Variants in ANKRD11 observed in about 807,000 individuals in gnomAD.
ANKRD11 encodes the protein ankyrin repeat domain-containing protein 11.
A neutral mutation model predicts 195.7 loss-of-function variants in ANKRD11; 17 were observed. That is an observed-to-expected ratio of 0.09 (90% CI 0.06 to 0.13). The LOEUF (loss-of-function observed/expected upper bound fraction) is 0.13, where lower values mean the gene tolerates loss of function less well. ANKRD11 is among the 10% of genes least tolerant of loss of function. The pLI is 1.00. For missense variants in ANKRD11, 3,735 were observed against 3,566.1 expected, an observed-to-expected ratio of 1.05 and a Z score of -1.21; for synonymous variants, 1,953 against 1,528.1, an observed-to-expected ratio of 1.28 and a Z score of -6.49.
intron 1 of ANKRD11, among the ~76,000 whole-genome samples, chr16:89,479,129 C>A (rs376673154): frequency 6.6e-6 from 1 of 152,104 alleles, no homozygotes; most frequent in Admixed American, 6.6e-5. Flanking sequence ...CAGCAAGTCA[C>A]GCCACCACCT....
At chr16:89,326,386 C>A (rs7187307) in intron 2 of ANKRD11, among the ~76,000 whole-genome samples, 4,901 of 151,998 alleles carry the variant, frequency 0.032, 281 homozygotes, top group African/African-American at 0.11. Context: ...CCGCCCCCCC[C>A]ACCCCGCTGC....
intron 1 of ANKRD11, among the ~76,000 whole-genome samples, chr16:89,453,700 G>C (rs1248965946): frequency 6.6e-6 from 1 of 152,232 alleles, no homozygotes; most frequent in Non-Finnish European, 1.5e-5. Context: ...TCAGGACAAT[G>C]TGATGTGCTG....
chr16:89,334,143 TTAAA>T (rs1408562940), intron 2 of ANKRD11, among the ~76,000 whole-genome samples: 8 of 80,406 alleles, frequency 9.9e-5, no homozygotes, highest in African/African-American at 6.0e-4. Flanking sequence ...ACCCTGTGTT[TTAAA>T]AAAAAAAAAA....
rs777949492 is a variant in ANKRD11, at chr16:89,282,612, G to C, written c.3930C>G (p.Asp1310Glu). The change falls in exon 9 of 13, where the codon GAC becomes GAG. Residue 1310 changes from aspartate to glutamate, a missense_variant. Transcript: ENST00000301030. ...CAGTCAGCCCCGGCTCCTGCCCTCG[G>C]TCCGTGAAGCTGTCAGAGGAGACCT... The part of the protein sequence containing the change: ...ISEVSSDSFT[D>E]RGQEPGLTAF... 5.6e-6 allele frequency: 9 copies of C among 1,614,058 alleles called. No individual in the cohort carries two copies. The Admixed American group carries it at 1.5e-4, about 27-fold the overall frequency.
At chr16:89,314,297 A>G (rs1353943594) in intron 3 of ANKRD11, among the ~76,000 whole-genome samples, 1 of 151,966 alleles carries the variant, frequency 6.6e-6, no homozygotes, top group South Asian at 2.1e-4. Flanking sequence ...CACACATACA[A>G]CTGAACCCAT....
chr16:89,485,082 G>T (rs1045160623), intron 1 of ANKRD11, among the ~76,000 whole-genome samples: 2 of 43,874 alleles, frequency 4.6e-5, no homozygotes, highest in South Asian at 9.2e-4. Context: ...AACAGGATTC[G>T]GTCCTCTAGG....
rs537158621 is a variant in ANKRD11, at chr16:89,428,287, A to G, written c.-144-9919T>C. 1.3e-4 allele frequency among the ~76,000 whole-genome samples: 20 copies of G among 152,272 alleles called. No individual in the cohort carries two copies. The South Asian group carries it at 1.5e-3, about 11-fold the overall frequency. ...ACGCCTATAATCCCAGCACTTTGGG[A>G]GGCCAAGGCGGGCAGATCAGAAGGT... is the stretch of plus-strand genomic sequence containing the variant. On this transcript the variant is annotated intron_variant, in intron 1 of 12. Coordinates refer to ENST00000301030, the MANE Select transcript of ANKRD11 (RefSeq NM_013275.6).
chr16:89,416,115 A>G (rs529014889), intron 2 of ANKRD11, among the ~76,000 whole-genome samples: 33 of 152,264 alleles, frequency 2.2e-4, no homozygotes, highest in African/African-American at 7.5e-4. Context: ...TAAACACCTT[A>G]GATTATTACT....
chr16:89,466,377 C>A (rs533200856), intron 1 of ANKRD11, among the ~76,000 whole-genome samples: 2 of 152,180 alleles, frequency 1.3e-5, no homozygotes, highest in South Asian at 4.1e-4. Flanking sequence ...ACACAGGGGA[C>A]CGCATGAGGA....
In ANKRD11 at chr16:89,279,042, G is replaced by C. The variant is rs554469556; in HGVS notation, c.7470+30C>G. On this transcript the variant is annotated intron_variant, in intron 9 of 12. Coordinates refer to ENST00000301030, the MANE Select transcript of ANKRD11 (RefSeq NM_013275.6). This position sits in a 1 kb window ranked among gnomAD's most constrained non-coding sequence, Gnocchi z 5.6. ...CCCCAGACGCATCCCAGAGAGAGAA[G>C]GCAGTGGCTCTCCCGGGCCCCGCAC... is the stretch of plus-strand genomic sequence containing the variant. 4.3e-6 allele frequency: 7 copies of C among 1,612,822 alleles called. No individual in the cohort carries two copies. The highest frequency in any genetic ancestry group is 5.9e-6 in the Non-Finnish European group (7 of 1,179,494).
intron 2 of ANKRD11, among the ~76,000 whole-genome samples, chr16:89,337,672 C>T (rs1263808420): frequency 6.6e-6 from 1 of 152,040 alleles, no homozygotes; most frequent in African/African-American, 2.4e-5. Flanking sequence ...AATCTCCTGA[C>T]CTCGGGATCC....
At chr16:89,439,181 G>A (rs1052430939) in intron 1 of ANKRD11, among the ~76,000 whole-genome samples, 3 of 152,062 alleles carry the variant, frequency 2.0e-5, no homozygotes, top group East Asian at 3.9e-4. Flanking sequence ...TTTCCTACCC[G>A]CAGCACTGAA....
intron 2 of ANKRD11, among the ~76,000 whole-genome samples, chr16:89,328,001 T>C (rs1353698738): frequency 6.6e-6 from 1 of 152,232 alleles, no homozygotes; most frequent in Non-Finnish European, 1.5e-5. Flanking sequence ...AGCAGGCTTG[T>C]ATGTAGAAGA....
In ANKRD11 at chr16:89,285,415, T is replaced by A; in HGVS notation, c.1127A>T (p.Lys376Ile). The A allele has an allele frequency of 6.2e-7, 1 of 1,614,076 alleles. No individual in the cohort carries two copies. The highest frequency in any genetic ancestry group is 8.5e-7 in the Non-Finnish European group (1 of 1,180,014). ...GGGTATAGAGATAAAACTATTGGAT[T>A]TCGTTTCTTTTCTGTAGTCCTTTTT... is the stretch of plus-strand genomic sequence containing the variant. ...LLKKDYRKETKSNSFISIPKM... is the reference protein window; with the variant it reads ...LLKKDYRKETISNSFISIPKM... The change falls in exon 9 of 13, where the codon AAA becomes ATA. Residue 376 changes from lysine to isoleucine, a missense_variant. Transcript: ENST00000301030. This position sits in a 1 kb window ranked among gnomAD's most constrained non-coding sequence, Gnocchi z 5.6.
intron 2 of ANKRD11, among the ~76,000 whole-genome samples, chr16:89,380,401 T>G (rs900891130): frequency 6.6e-6 from 1 of 152,166 alleles, no homozygotes; most frequent in Non-Finnish European, 1.5e-5. Context: ...TGTGAGCCAC[T>G]GTGCCCAGCC....
intron 1 of ANKRD11, among the ~76,000 whole-genome samples, chr16:89,471,995 T>C (rs1025849959): frequency 3.3e-5 from 5 of 151,848 alleles, no homozygotes; most frequent in Admixed American, 6.6e-5. Flanking sequence ...TCCAGACACA[T>C]CTCCTAGAAT....
intron 1 of ANKRD11, among the ~76,000 whole-genome samples, chr16:89,484,908 C>T (rs2057554566): frequency 6.6e-6 from 1 of 152,166 alleles, no homozygotes. Context: ...AAATAATTCA[C>T]TGCACAGATG....
rs541089625 is a variant in ANKRD11 at position 89,428,429 on chromosome 16, G to C, written c.-144-10061C>G. On this transcript the variant is annotated intron_variant, in intron 1 of 12. Transcript: ENST00000301030. ...TAGTCCCAGCTGCTGGGGAAGCTGA[G>C]GCAGGAAAATGTTGTGAACCTGGGA... Among the ~76,000 whole-genome samples the C allele has an allele frequency of 8.5e-5, 13 of 152,172 alleles. No individual in the cohort carries two copies. In the East Asian group the frequency reaches 2.5e-3, roughly 29 times the overall value.
intron 1 of ANKRD11, among the ~76,000 whole-genome samples, chr16:89,489,713 G>A (rs1396261825): frequency 4.7e-5 from 7 of 150,348 alleles, no homozygotes; most frequent in East Asian, 2.0e-4. Flanking sequence ...GCAGCCTCAG[G>A]TCCCCAAGAC....
Sources: gnomAD v4.1 joint callset for allele counts (sites outside exome capture counted in the v4.1 genomes callset) on GRCh38, gnomAD v4.1.1 for gene constraint, Gnocchi (gnomAD v3.1) non-coding constraint, MANE v1.5 for transcripts, NCBI Gene and HGNC (gene_info 2026-07-23, HGNC 2026-07-21) for gene names.